The following COL24A1 variants were observed in gnomAD, a reference collection of about 807,000 sequenced individuals.
COL24A1 encodes collagen alpha-1(XXIV) chain.
COL24A1 carries 224 observed loss-of-function variants against 253.9 expected under a neutral mutation model. That is an observed-to-expected ratio of 0.88 (90% CI 0.79 to 0.99). The LOEUF is 0.99. COL24A1 is among the 50% of genes least tolerant of loss of function. The probability of loss-of-function intolerance (pLI) is 0.00; values close to 1 mark genes in which losing one functional copy is unlikely to be tolerated. For synonymous variants in COL24A1, 685 were observed against 673.7 expected, an observed-to-expected ratio of 1.02 and a Z score of -0.26; for missense variants, 2,131 against 2,068.5, an observed-to-expected ratio of 1.03 and a Z score of -0.59.
intron 37 of COL24A1, among the ~76,000 whole-genome samples, chr1:85,856,160 G>A (rs1023424070): frequency 2.6e-5 from 4 of 151,906 alleles, no homozygotes; most frequent in Non-Finnish European, 4.4e-5. Context: ...TTTTGGTTTT[G>A]TTGACCTTTT....
chr1:85,853,900 T>A (rs1055680326), intron 37 of COL24A1, among the ~76,000 whole-genome samples: 21 of 152,328 alleles, frequency 1.4e-4, no homozygotes, highest in African/African-American at 4.3e-4. Context: ...AAAAACTATC[T>A]CCTGTTCTTA....
chr1:86,112,147 GT>G (rs561649542), intron 5 of COL24A1, among the ~76,000 whole-genome samples: 10 of 151,290 alleles, frequency 6.6e-5, no homozygotes, highest in Non-Finnish European at 8.8e-5. Context: ...AACATCCTCG[GT>G]TTTTTTTCAG....
At chr1:85,925,621 T>C (rs1201317948) in intron 24 of COL24A1, among the ~76,000 whole-genome samples, 1 of 152,192 alleles carries the variant, frequency 6.6e-6, no homozygotes, top group Non-Finnish European at 1.5e-5. Context: ...GCTAGCCATA[T>C]GTAGAAAGCT....
At chr1:85,922,648 T>A (rs944035211) in intron 24 of COL24A1, among the ~76,000 whole-genome samples, 1 of 151,788 alleles carries the variant, frequency 6.6e-6, no homozygotes, top group African/African-American at 2.4e-5. Context: ...CAGGCCTGTC[T>A]TACAAGAACT....
intron 20 of COL24A1, among the ~76,000 whole-genome samples, chr1:85,981,906 A>G (rs1318948031): frequency 6.6e-6 from 1 of 152,126 alleles, no homozygotes; most frequent in Admixed American, 6.6e-5. Flanking sequence ...GTTTACATCA[A>G]TGTTAACAGG....
intron 23 of COL24A1, among the ~76,000 whole-genome samples, chr1:85,964,594 C>A (rs1691382358): frequency 6.6e-6 from 1 of 152,220 alleles, no homozygotes; most frequent in Non-Finnish European, 1.5e-5. Flanking sequence ...CACAGATACA[C>A]AGATTGAGCA....
intron 18 of COL24A1, among the ~76,000 whole-genome samples, chr1:86,021,929 G>GC (rs1286734290): frequency 6.6e-6 from 1 of 152,082 alleles, no homozygotes; most frequent in African/African-American, 2.4e-5. Context: ...TATTTAAGGT[G>GC]CTTTACATTT....
At chr1:85,960,050 G>A (rs1258164661) in intron 24 of COL24A1, among the ~76,000 whole-genome samples, 1 of 152,016 alleles carries the variant, frequency 6.6e-6, no homozygotes. Flanking sequence ...AGTGACTCAG[G>A]ATTAATTAGG....
At chr1:85,754,567 A>T (rs1018353355) in intron 55 of COL24A1, among the ~76,000 whole-genome samples, 2 of 148,160 alleles carry the variant, frequency 1.3e-5, no homozygotes, top group Non-Finnish European at 3.0e-5. Flanking sequence ...AAAAAAAAAG[A>T]ACTAAAGGAC....
intron 3 of COL24A1, among the ~76,000 whole-genome samples, chr1:86,124,576 C>G (rs1251510848): frequency 2.6e-5 from 4 of 151,618 alleles, no homozygotes; most frequent in African/African-American, 9.7e-5. Context: ...ACAAGAAAAA[C>G]AAATAGTTTG....
chr1:85,813,417 C>G (rs1473919199), intron 47 of COL24A1, among the ~76,000 whole-genome samples: 1 of 121,678 alleles, frequency 8.2e-6, no homozygotes, highest in African/African-American at 3.0e-5. Flanking sequence ...AGTGGAAAAC[C>G]TTAAAGAAAA....
At chr1:85,938,046 C>CA in intron 24 of COL24A1, among the ~76,000 whole-genome samples, 1 of 147,414 alleles carries the variant, frequency 6.8e-6, no homozygotes, top group East Asian at 2.1e-4. Flanking sequence ...CTTGAGAGAG[C>CA]ATTGGAATAG....
At chr1:85,901,826 A>G (rs967033068) in intron 28 of COL24A1, among the ~76,000 whole-genome samples, 1 of 133,906 alleles carries the variant, frequency 7.5e-6, no homozygotes, top group Non-Finnish European at 1.6e-5. Flanking sequence ...CTCCGTCTCA[A>G]AAAAAAAAAA....
intron 35 of COL24A1, among the ~76,000 whole-genome samples, chr1:85,873,324 A>C (rs7546554): frequency 0.4 from 60,549 of 151,380 alleles, 12,768 homozygotes; most frequent in South Asian, 0.59. Flanking sequence ...TTGACCCAGC[A>C]ATCCCATTAC....
chr1:85,907,398 C>T (rs892988559), intron 27 of COL24A1, 151 bp from the exon 28 acceptor site: 8 of 616,450 alleles, frequency 1.3e-5, no homozygotes, highest in Non-Finnish European at 2.2e-5. Context: ...TCACACTGCC[C>T]TCTACCAATA....
intron 20 of COL24A1, among the ~76,000 whole-genome samples, chr1:85,983,654 T>C (rs551989301): frequency 1.3e-5 from 2 of 151,862 alleles, no homozygotes; most frequent in Non-Finnish European, 3.0e-5. Context: ...AAACAAGACA[T>C]GTATATAAAA....
At chr1:85,784,780 T>C (rs1397550173) in intron 48 of COL24A1, among the ~76,000 whole-genome samples, 2 of 151,968 alleles carry the variant, frequency 1.3e-5, no homozygotes, top group East Asian at 1.9e-4. Flanking sequence ...GCCCAGGCTG[T>C]AGTGCAGTGA....
At chr1:86,057,750 A>T (rs1409370839) in intron 10 of COL24A1, among the ~76,000 whole-genome samples, 181 bp downstream of exon 10, 1 of 152,228 alleles carries the variant, frequency 6.6e-6, no homozygotes, top group Non-Finnish European at 1.5e-5. Context: ...AAAACCTACC[A>T]CAATGAGACT....
chr1:86,041,710 T>G lies in COL24A1; in HGVS notation c.1950+5115A>C, dbSNP rs189854339. Among the ~76,000 whole-genome samples, 15 of 152,238 alleles carry G rather than the reference T, an allele frequency of 9.9e-5. No homozygotes were observed. In the East Asian group the frequency reaches 2.9e-3, roughly 29 times the overall value. ...TGTTATGAATCAGTGTACTTAGGCTTTTAAAAAATCTGGCTCACATCAGAT... is the reference window on the plus strand; with the variant it reads ...TGTTATGAATCAGTGTACTTAGGCTGTTAAAAAATCTGGCTCACATCAGAT... On this transcript the variant is annotated intron_variant, in intron 12 of 59. Transcript: ENST00000370571.
Sources: gnomAD v4.1 joint callset for allele counts (sites outside exome capture counted in the v4.1 genomes callset) on GRCh38, gnomAD v4.1.1 for gene constraint, MANE v1.5 for transcripts, NCBI Gene and HGNC (gene_info 2026-07-23, HGNC 2026-07-21) for gene names.